The following GRIN2A variants were observed in gnomAD, a reference collection of about 807,000 sequenced individuals.
The protein encoded by GRIN2A is glutamate receptor ionotropic, NMDA 2A.
GRIN2A carries 22 observed loss-of-function variants against 113.4 expected under a neutral mutation model. That is an observed-to-expected ratio of 0.19 (90% CI 0.14 to 0.28). The LOEUF (loss-of-function observed/expected upper bound fraction) is 0.28. Among genes scored for constraint, GRIN2A ranks in the 10% least tolerant of loss-of-function variants. The pLI, the probability that GRIN2A is intolerant of heterozygous loss-of-function variation, is 1.00. For missense variants in GRIN2A, 1,502 were observed against 1,887.0 expected (o/e 0.80, Z 3.78); for synonymous variants, 827 against 738.4 (o/e 1.12, Z -1.94).
intron 4 of GRIN2A, among the ~76,000 whole-genome samples, chr16:9,865,698 G>A (rs948531133): frequency 6.6e-6 from 1 of 152,164 alleles, no homozygotes; most frequent in South Asian, 2.1e-4. Flanking sequence ...TTCATGGAGT[G>A]CCTACTATGT....
At chr16:10,057,274 A>T (rs2047472656) in intron 2 of GRIN2A, among the ~76,000 whole-genome samples, 1 of 152,218 alleles carries the variant, frequency 6.6e-6, no homozygotes, top group Admixed American at 6.5e-5. Flanking sequence ...CCTCAAGAAT[A>T]AATACAATCT....
rs534024991 is a variant in GRIN2A, at chr16:10,067,644, G to A, written c.414+112354C>T. On this transcript the variant is annotated intron_variant, in intron 2 of 12. Coordinates refer to ENST00000330684, the MANE Select transcript of GRIN2A (RefSeq NM_001134407.3). Reference sequence around the variant, plus strand: ...TCCAGGAGAAAAACAGCAGCTGAGAGGAGTGGGGTGGGCAGGGATTGGAGT... The same window carrying A: ...TCCAGGAGAAAAACAGCAGCTGAGAAGAGTGGGGTGGGCAGGGATTGGAGT... 8.9e-4 allele frequency among the ~76,000 whole-genome samples: 135 copies of A among 152,292 alleles called. 1 individual carries two copies. Among genetic ancestry groups the A allele is most frequent in the Non-Finnish European group, 1.5e-3 (104 of 68,016 alleles).
At chr16:9,884,850 C>T (rs997885301) in intron 4 of GRIN2A, among the ~76,000 whole-genome samples, 18 of 150,470 alleles carry the variant, frequency 1.2e-4, no homozygotes, top group African/African-American at 4.2e-4. Context: ...CCTGGGTTCA[C>T]GCCATTCTCC....
At chr16:9,862,894 C>A (rs1420020686) in intron 4 of GRIN2A, among the ~76,000 whole-genome samples, 1 of 152,120 alleles carries the variant, frequency 6.6e-6, no homozygotes, top group Non-Finnish European at 1.5e-5. Context: ...CCATGGGCTG[C>A]AATAATAATT....
chr16:9,762,305 C>A lies in GRIN2A; in HGVS notation c.*844G>T. On this transcript the variant is annotated 3_prime_UTR_variant, in exon 13 of 13. Coordinates refer to ENST00000330684, the MANE Select transcript of GRIN2A (RefSeq NM_001134407.3). ...ACATAGGCGTCTTCGGGATAAACTA[C>A]AATGGCCACTGTGTCACAGACAGAA... is the stretch of plus-strand genomic sequence containing the variant. 4.4e-6 allele frequency: 1 copy of A among 226,480 alleles called. No individual in the cohort carries two copies. Among genetic ancestry groups the A allele is most frequent in the Non-Finnish European group, 8.8e-6 (1 of 113,582 alleles). The allele number at this position is 226,480 out of a possible 1,614,324, so 14.0% of individuals were successfully genotyped here.
chr16:10,076,190 C>T (rs2036075366), intron 2 of GRIN2A, among the ~76,000 whole-genome samples: 1 of 152,216 alleles, frequency 6.6e-6, no homozygotes, highest in African/African-American at 2.4e-5. Context: ...CATAGGCCTT[C>T]CTCTGAGTCA....
chr16:10,026,176 C>G lies in GRIN2A; in HGVS notation c.415-87625G>C, dbSNP rs149116314. On this transcript the variant is annotated intron_variant, in intron 2 of 12. Transcript: ENST00000330684. ...CAGTGGCAACCACTTTGACACATGACTGCTTGGAGATTGAGAGCCAAATTC... is the reference window on the plus strand; with the variant it reads ...CAGTGGCAACCACTTTGACACATGAGTGCTTGGAGATTGAGAGCCAAATTC... Among the ~76,000 whole-genome samples, 223 of 152,306 alleles carry G rather than the reference C, an allele frequency of 1.5e-3. 3 individuals carry two copies. Among genetic ancestry groups the G allele is most frequent in the African/African-American group, 4.9e-3 (203 of 41,572 alleles).
intron 10 of GRIN2A, among the ~76,000 whole-genome samples, chr16:9,810,205 T>G (rs2042060168): frequency 6.6e-6 from 1 of 152,180 alleles, no homozygotes; most frequent in African/African-American, 2.4e-5. Flanking sequence ...GAATCCACTT[T>G]GCATACCTGT....
intron 2 of GRIN2A, among the ~76,000 whole-genome samples, chr16:9,949,703 G>A (rs1284689337): frequency 6.6e-6 from 1 of 151,848 alleles, no homozygotes; most frequent in African/African-American, 2.4e-5. Flanking sequence ...ATGGATGGGT[G>A]GTTGGATGGA....
chr16:9,899,237 G>T (rs1784965011), intron 3 of GRIN2A, among the ~76,000 whole-genome samples: 2 of 151,938 alleles, frequency 1.3e-5, no homozygotes, highest in Admixed American at 1.3e-4. Flanking sequence ...TCAGGAGTTT[G>T]AGACCAGCCT....
At chr16:9,953,249 G>T (rs925286045) in intron 2 of GRIN2A, among the ~76,000 whole-genome samples, 1 of 152,210 alleles carries the variant, frequency 6.6e-6, no homozygotes, top group Non-Finnish European at 1.5e-5. Context: ...CAGGGAGATT[G>T]GGGAGTGAAA....
chr16:9,761,177 C>T lies in GRIN2A; in HGVS notation c.*1972G>A, dbSNP rs545294584. On this transcript the variant is annotated 3_prime_UTR_variant, in exon 13 of 13. Transcript: ENST00000330684. ...GCAACCACTTTTCATTATAGGAACA[C>T]TGTAGGTCAGGTGTACTTTCCCAAA... The T allele has an allele frequency of 3.9e-5, 9 of 232,312 alleles. No homozygotes were observed. Among genetic ancestry groups the T allele is most frequent in the Admixed American group, 2.3e-4 (4 of 17,760 alleles). 14.4% of individuals were successfully genotyped at this position (232,312 alleles called of 1,614,324 possible). A position where few individuals can be genotyped will look rare whatever the true frequency, so the allele number is the denominator to read the frequency against.
intron 10 of GRIN2A, among the ~76,000 whole-genome samples, chr16:9,810,558 A>G (rs1339541391): frequency 6.6e-6 from 1 of 152,212 alleles, no homozygotes; most frequent in Non-Finnish European, 1.5e-5. Context: ...AAGAGGAGAC[A>G]TACCAAGGGA....
chr16:10,128,730 C>A (rs2048998446), intron 2 of GRIN2A, among the ~76,000 whole-genome samples: 2 of 152,186 alleles, frequency 1.3e-5, no homozygotes, highest in South Asian at 4.1e-4. Flanking sequence ...GCACCATGCG[C>A]CAAGCTAGGC....
intron 2 of GRIN2A, among the ~76,000 whole-genome samples, chr16:9,974,966 G>C (rs1351052107): frequency 1.3e-5 from 2 of 152,118 alleles, no homozygotes; most frequent in Non-Finnish European, 2.9e-5. Flanking sequence ...TATGGTGTTT[G>C]TTGTGGGCTT....
At chr16:10,003,218 G>C (rs1352384067) in intron 2 of GRIN2A, among the ~76,000 whole-genome samples, 3 of 152,116 alleles carry the variant, frequency 2.0e-5, no homozygotes, top group African/African-American at 7.2e-5. Flanking sequence ...TCCAGATGAA[G>C]AGCAGAAACA....
At chr16:10,051,791 C>A (rs2047364685) in intron 2 of GRIN2A, among the ~76,000 whole-genome samples, 1 of 152,212 alleles carries the variant, frequency 6.6e-6, no homozygotes, top group Admixed American at 6.5e-5. Context: ...GGCAGAGAGA[C>A]TGGCCAGACC....
At chr16:10,009,982 A>C (rs2046476711) in intron 2 of GRIN2A, among the ~76,000 whole-genome samples, 1 of 152,242 alleles carries the variant, frequency 6.6e-6, no homozygotes, top group South Asian at 2.1e-4. Context: ...ACAGCGTTGC[A>C]CAGTCACTTG....
intron 2 of GRIN2A, among the ~76,000 whole-genome samples, chr16:10,100,068 C>G (rs1192642813): frequency 1.1e-4 from 17 of 152,064 alleles, no homozygotes; most frequent in Admixed American, 1.1e-3. Flanking sequence ...GTGCAAAGGG[C>G]CCATGTCAGA....
Sources: allele counts gnomAD v4.1 joint callset (sites outside exome capture counted in the v4.1 genomes callset), GRCh38; gene constraint gnomAD v4.1.1; transcripts MANE v1.5; gene names NCBI Gene and HGNC (gene_info 2026-07-23, HGNC 2026-07-21).